Variants in DCLK1 observed in about 807,000 individuals in gnomAD.
DCLK1 encodes the protein doublecortin like kinase 1.
Under a neutral mutation model 86.2 loss-of-function variants are expected in DCLK1, and 16 were observed. The observed-to-expected ratio is 0.19, with a 90% confidence interval of 0.13 to 0.28. The LOEUF (loss-of-function observed/expected upper bound fraction) is 0.28. DCLK1 is among the 10% of genes least tolerant of loss of function. The pLI is 1.00. For missense variants in DCLK1, 590 were observed against 940.2 expected (o/e 0.63, Z 4.87); for synonymous variants, 369 against 370.5 (o/e 1.00, Z 0.05).
chr13:35,873,614 G>A lies in DCLK1; in HGVS notation c.824-2274C>T, dbSNP rs146387322. On this transcript the variant is annotated intron_variant, in intron 4 of 16. Coordinates refer to ENST00000360631, the MANE Select transcript of DCLK1 (RefSeq NM_001330071.2). ...TTGGCCAGGCTGGTTTCAAACTCCT[G>A]ACCTCAAATGATCCACCCACCTCAG... 5.7e-3 allele frequency among the ~76,000 whole-genome samples: 863 copies of A among 152,136 alleles called. 11 individuals are homozygous for A. The highest frequency in any genetic ancestry group is 0.02 in the African/African-American group (812 of 41,506).
At position 35,851,946 on chromosome 13, in the gene DCLK1, T is replaced by C. The variant is rs184962344; in HGVS notation, c.1035+2553A>G. Among the ~76,000 whole-genome samples, 16 of 152,112 alleles carry C rather than the reference T, an allele frequency of 1.1e-4. No homozygotes were observed. In the East Asian group the frequency reaches 3.1e-3, roughly 29 times the overall value. ...TTCCTTTTGAGAAAACAGCTCATGT[T>C]CCTGTATTTTAAAATGGGGGCAAGG... On this transcript the variant is annotated intron_variant, in intron 6 of 16. Transcript: ENST00000360631.
At chr13:36,006,123 G>T (rs530658476) in intron 3 of DCLK1, among the ~76,000 whole-genome samples, 1 of 152,030 alleles carries the variant, frequency 6.6e-6, no homozygotes, top group Non-Finnish European at 1.5e-5. Context: ...CATAGTACAC[G>T]TATACCTATG....
intron 3 of DCLK1, among the ~76,000 whole-genome samples, chr13:36,084,226 T>G (rs1327295959): frequency 2.0e-5 from 3 of 152,108 alleles, no homozygotes; most frequent in Non-Finnish European, 4.4e-5. Flanking sequence ...GGAAAAACAC[T>G]AGATGCAAGA....
chr13:35,978,397 A>G (rs1385485670), intron 3 of DCLK1, among the ~76,000 whole-genome samples: 1 of 151,564 alleles, frequency 6.6e-6, no homozygotes, highest in Non-Finnish European at 1.5e-5. Context: ...GTAGAGATGG[A>G]GTTTCACCAT....
chr13:35,852,339 A>C (rs1030937547), intron 6 of DCLK1, among the ~76,000 whole-genome samples: 1 of 152,210 alleles, frequency 6.6e-6, no homozygotes, highest in Non-Finnish European at 1.5e-5. Flanking sequence ...CCTCTGGCTA[A>C]AGCATCTGGG....
At chr13:36,110,612 T>C (rs1885576555) in intron 3 of DCLK1, among the ~76,000 whole-genome samples, 1 of 152,190 alleles carries the variant, frequency 6.6e-6, no homozygotes, top group Non-Finnish European at 1.5e-5. Context: ...AGGAGTCTTC[T>C]ATTTAATAAG....
chr13:35,784,017 T>C (rs2086576051), intron 16 of DCLK1, among the ~76,000 whole-genome samples: 1 of 152,240 alleles, frequency 6.6e-6, no homozygotes, highest in Admixed American at 6.5e-5. Context: ...GTTCTTTATG[T>C]ATGATTTCCT....
In DCLK1 at chr13:35,982,969, G is replaced by A. The variant is rs141950567; in HGVS notation, c.724-35512C>T. ...AGTAGAGACAGGGTTTCACCATGTT[G>A]GTCAGGTTGGTCTCCAACTCCTGAG... On this transcript the variant is annotated intron_variant, in intron 3 of 16. Coordinates refer to ENST00000360631, the MANE Select transcript of DCLK1 (RefSeq NM_001330071.2). 2.1e-4 allele frequency among the ~76,000 whole-genome samples: 32 copies of A among 152,050 alleles called. 1 individual carries two copies. In the East Asian group the frequency reaches 5.6e-3, roughly 27 times the overall value.
At chr13:35,903,540 T>C (rs1874502822) in intron 4 of DCLK1, among the ~76,000 whole-genome samples, 1 of 152,206 alleles carries the variant, frequency 6.6e-6, no homozygotes, top group African/African-American at 2.4e-5. Flanking sequence ...TTCTATTTGG[T>C]CCCATATGGC....
chr13:35,943,211 G>A (rs1487757326), intron 4 of DCLK1, among the ~76,000 whole-genome samples: 1 of 152,150 alleles, frequency 6.6e-6, no homozygotes, highest in Admixed American at 6.5e-5. Context: ...TGAAGATGGA[G>A]GTGGAGATTG....
At chr13:35,813,731 T>G (rs1350981340) in intron 11 of DCLK1, among the ~76,000 whole-genome samples, 1 of 62,528 alleles carries the variant, frequency 1.6e-5, no homozygotes, top group Non-Finnish European at 3.4e-5. Context: ...CCCGCCCCGC[T>G]TTTTTTTTTT....
chr13:35,881,562 G>T (rs1441675986), intron 4 of DCLK1, among the ~76,000 whole-genome samples: 1 of 152,156 alleles, frequency 6.6e-6, no homozygotes, highest in East Asian at 1.9e-4. Flanking sequence ...CATTTGGTTG[G>T]TCTTCACTGA....
intron 3 of DCLK1, among the ~76,000 whole-genome samples, chr13:35,958,012 C>CA (rs1161580732): frequency 7.4e-6 from 1 of 135,706 alleles, no homozygotes; most frequent in African/African-American, 2.9e-5. Flanking sequence ...TTATCACCAT[C>CA]ACCATCACAC....
intron 4 of DCLK1, among the ~76,000 whole-genome samples, chr13:35,884,476 C>T (rs931045620): frequency 1.3e-5 from 2 of 152,084 alleles, no homozygotes; most frequent in Non-Finnish European, 1.5e-5. Flanking sequence ...AGATAAATTA[C>T]TCAAGAATGG....
intron 4 of DCLK1, 86 bp from the exon 5 acceptor site, chr13:35,871,426 A>C (rs533403738): frequency 6.3e-6 from 7 of 1,116,532 alleles, no homozygotes; most frequent in Non-Finnish European, 9.4e-6. Flanking sequence ...CTGGAAGTAG[A>C]AATATATGAC....
chr13:36,112,644 T>C (rs1376350752), intron 2 of DCLK1, among the ~76,000 whole-genome samples: 1 of 152,222 alleles, frequency 6.6e-6, no homozygotes, highest in Non-Finnish European at 1.5e-5. Context: ...GAATACAGCA[T>C]CTTAAAATAG....
At chr13:36,066,389 G>A (rs1883752484) in intron 3 of DCLK1, among the ~76,000 whole-genome samples, 1 of 152,190 alleles carries the variant, frequency 6.6e-6, no homozygotes, top group South Asian at 2.1e-4. Context: ...TGTAAAATGA[G>A]TCTAAATGAC....
chr13:35,874,098 C>T lies in DCLK1; in HGVS notation c.824-2758G>A, dbSNP rs572883247. 1.8e-3 allele frequency among the ~76,000 whole-genome samples: 273 copies of T among 152,194 alleles called. 1 individual carries two copies. Among genetic ancestry groups the T allele is most frequent in the African/African-American group, 5.9e-3 (246 of 41,540 alleles). On this transcript the variant is annotated intron_variant, in intron 4 of 16. Coordinates refer to ENST00000360631, the MANE Select transcript of DCLK1 (RefSeq NM_001330071.2). ...ATTATATATTTTAAATCCCATTTTA[C>T]GCTTTAGTAACAAAGAACTCATAAT...
rs553552325 is a variant in DCLK1 at position 35,940,953 on chromosome 13, A to G, written c.823+6405T>C. Among the ~76,000 whole-genome samples the G allele has an allele frequency of 1.3e-5, 2 of 152,262 alleles. 1 individual carries two copies. Among genetic ancestry groups the G allele is most frequent in the Middle Eastern group, 6.8e-3 (2 of 294 alleles). On this transcript the variant is annotated intron_variant, in intron 4 of 16. Transcript: ENST00000360631. ...GAGGTGTCATTCCCCAGCATCGTTCACTGGGTAATAAGGAACACAGTTTCG... is the reference window on the plus strand; with the variant it reads ...GAGGTGTCATTCCCCAGCATCGTTCGCTGGGTAATAAGGAACACAGTTTCG...
Sources: gnomAD v4.1 joint callset for allele counts (sites outside exome capture counted in the v4.1 genomes callset) on GRCh38, gnomAD v4.1.1 for gene constraint, MANE v1.5 for transcripts, NCBI Gene and HGNC (gene_info 2026-07-23, HGNC 2026-07-21) for gene names.